The following NFASC variants were observed in gnomAD, a reference collection of about 807,000 sequenced individuals.
The protein encoded by NFASC is neurofascin homolog.
NFASC carries 43 observed loss-of-function variants against 147.5 expected under a neutral mutation model. That is an observed-to-expected ratio of 0.29 (90% CI 0.23 to 0.38). NFASC has a LOEUF of 0.38. Ranked by LOEUF, NFASC falls within the 10% of genes least tolerant of loss-of-function variation. The pLI, the probability that NFASC is intolerant of heterozygous loss-of-function variation, is 1.00. For synonymous variants in NFASC, 622 were observed against 665.5 expected, an observed-to-expected ratio of 0.93 and a Z score of 1.01; for missense variants, 1,320 against 1,689.0, an observed-to-expected ratio of 0.78 and a Z score of 3.83.
chr1:204,980,395 G>A lies in NFASC; in HGVS notation c.2202G>A (p.Val734=). 6.2e-7 allele frequency: 1 copy of A among 1,613,800 alleles called. No individual in the cohort carries two copies. Among genetic ancestry groups the A allele is most frequent in the Non-Finnish European group, 8.5e-7 (1 of 1,179,854 alleles). Reference sequence around the variant, plus strand: ...CCCCCGAGTCCAATCCTGGTGACGTGAAGGGAGAGGGGACCAGAAAGAACA... The same window carrying A: ...CCCCCGAGTCCAATCCTGGTGACGTAAAGGGAGAGGGGACCAGAAAGAACA... The part of the protein sequence containing the change: ...GAPPESNPGD[V]KGEGTRKNNM... Residue 734 remains valine (V), a synonymous_variant, in exon 20 of 30, where the codon GTG becomes GTA. Transcript: ENST00000339876.
rs192481074 is a variant in NFASC, at chr1:204,959,148, T to C, written c.706+1322T>C. Among the ~76,000 whole-genome samples, 486 of 152,210 alleles carry C rather than the reference T, an allele frequency of 3.2e-3. 1 individual carries two copies. The highest frequency in any genetic ancestry group is 0.011 in the African/African-American group (455 of 41,536). On this transcript the variant is annotated intron_variant, in intron 8 of 29. Transcript: ENST00000339876. The stretch of plus-strand genomic sequence containing the variant: ...TCTCCTCCCTCTTTCTTTTTCTTTC[T>C]TCTTTTCCATCTCTCTGTTCTGTCT...
Position 205,019,247 on chromosome 1 carries a change from A to C in NFASC, c.*2708A>C, listed in dbSNP as rs935938347. 1.3e-5 allele frequency: 2 copies of C among 152,282 alleles called. No homozygotes were observed. Among genetic ancestry groups the C allele is most frequent in the African/African-American group, 4.8e-5 (2 of 41,460 alleles). The allele number at this position is 152,282 out of a possible 1,614,324, so 9.4% of individuals were successfully genotyped here. On this transcript the variant is annotated 3_prime_UTR_variant, in exon 30 of 30. Coordinates refer to ENST00000339876, the MANE Select transcript of NFASC (RefSeq NM_001005388.3). ...TCAGAGTCCACTCCAGCTCAGCAGG[A>C]AAGTGGAATTGCCCAGTACTGCCTG...
In NFASC at chr1:204,937,826, A is replaced by G. The variant is rs72741207; in HGVS notation, c.-90-6400A>G. On this transcript the variant is annotated intron_variant, in intron 2 of 29. Coordinates refer to ENST00000339876, the MANE Select transcript of NFASC (RefSeq NM_001005388.3). Reference sequence around the variant, plus strand: ...TGGATTTTTGGTTCAACATATATTTACTGTCCTCCCTGCTGGGATGGAAGC... The same window carrying G: ...TGGATTTTTGGTTCAACATATATTTGCTGTCCTCCCTGCTGGGATGGAAGC... 5.0e-3 allele frequency among the ~76,000 whole-genome samples: 757 copies of G among 152,306 alleles called. 10 individuals are homozygous for G. Among genetic ancestry groups the G allele is most frequent in the South Asian group, 9.9e-3 (48 of 4,828 alleles).
chr1:204,974,315 C>T, intron 13 of NFASC, 25 bp downstream of exon 13: 1 of 1,556,286 alleles, frequency 6.4e-7, no homozygotes, highest in Non-Finnish European at 8.9e-7. Context: ...ATCAGGCCTT[C>T]CACAGCAGGG....
intron 1 of NFASC, among the ~76,000 whole-genome samples, chr1:204,919,780 G>A (rs1017742323): frequency 3.3e-5 from 5 of 151,926 alleles, no homozygotes; most frequent in South Asian, 2.1e-4. Context: ...AGGTGTGCCC[G>A]GCTAATTTTT....
intron 8 of NFASC, among the ~76,000 whole-genome samples, chr1:204,958,366 A>G (rs2094518533): frequency 6.6e-6 from 1 of 152,240 alleles, no homozygotes; most frequent in Non-Finnish European, 1.5e-5. Flanking sequence ...ATGCTGAACC[A>G]TATGGAATCG....
intron 4 of NFASC, among the ~76,000 whole-genome samples, chr1:204,951,067 A>G (rs1384148283): frequency 1.3e-5 from 2 of 151,890 alleles, no homozygotes; most frequent in Admixed American, 6.6e-5. Flanking sequence ...ACTATTGTGC[A>G]CTGTATGTTG....
chr1:204,975,189 G>A lies in NFASC; in HGVS notation c.1559-82G>A, dbSNP rs2095369097. 2.7e-6 allele frequency: 4 copies of A among 1,494,120 alleles called. No homozygotes were observed. The highest frequency in any genetic ancestry group is 2.0e-5 in the Admixed American group (1 of 49,792). The allele number at this position is 1,494,120 out of a possible 1,614,324, so 92.6% of individuals were successfully genotyped here. On this transcript the variant is annotated intron_variant, in intron 14 of 29. Transcript: ENST00000339876. This position sits in a 1 kb window ranked among gnomAD's most constrained non-coding sequence, Gnocchi z 4.0. ...CCATAGTTGGCCCAAGGCCTCGAGG[G>A]CAGACATATGCCACTTTGTGGCCGC... is the stretch of plus-strand genomic sequence containing the variant.
intron 2 of NFASC, among the ~76,000 whole-genome samples, chr1:204,921,049 T>C (rs2090376239): frequency 6.6e-6 from 1 of 152,134 alleles, no homozygotes; most frequent in African/African-American, 2.4e-5. Context: ...GGAAACAACT[T>C]TGTGACCCAC....
At chr1:204,976,570 T>C (rs2095409296) in intron 15 of NFASC, 101 bp from the exon 16 acceptor site, 12 of 838,278 alleles carry the variant, frequency 1.4e-5, no homozygotes, top group Non-Finnish European at 1.9e-5. Context: ...GGAGCTTCCC[T>C]TGCCCTCCTG....
chr1:204,920,742 T>G lies in NFASC; in HGVS notation c.-91+2T>G. The G allele has an allele frequency of 7.8e-7, 1 of 1,274,244 alleles. No individual in the cohort carries two copies. The highest frequency in any genetic ancestry group is 1.0e-6 in the Non-Finnish European group (1 of 974,812). 78.9% of individuals were successfully genotyped at this position (1,274,244 alleles called of 1,614,324 possible). A position where few individuals can be genotyped will look rare whatever the true frequency, so the allele number is the denominator to read the frequency against. ...AAGAGGCTGAATGAGGCAGAGAAGG[T>G]AAGCAGGACTTGGGCCTGGGGTATG... is the stretch of plus-strand genomic sequence containing the variant. On this transcript the variant is annotated splice_donor_variant, in intron 2 of 29. Transcript: ENST00000339876. LOFTEE classifies it low-confidence loss of function (5UTR_SPLICE).
Position 205,017,499 on chromosome 1 carries a change from C to A in NFASC, c.*960C>A, listed in dbSNP as rs2151128825. ...AAGGCTGGGTTTGGACTTCATGCCT[C>A]CTCACTGGTGAAACCCAGGATGTAG... On this transcript the variant is annotated 3_prime_UTR_variant, in exon 30 of 30. Coordinates refer to ENST00000339876, the MANE Select transcript of NFASC (RefSeq NM_001005388.3). The A allele has an allele frequency of 6.5e-6, 1 of 152,826 alleles. No individual in the cohort carries two copies. Among genetic ancestry groups the A allele is most frequent in the East Asian group, 1.9e-4 (1 of 5,180 alleles). The allele number at this position is 152,826 out of a possible 1,614,324, so 9.5% of individuals were successfully genotyped here. A position where few individuals can be genotyped will look rare whatever the true frequency, so the allele number is the denominator to read the frequency against.
chr1:204,927,910 G>A (rs1219985803), intron 2 of NFASC, among the ~76,000 whole-genome samples: 3 of 152,200 alleles, frequency 2.0e-5, no homozygotes, highest in African/African-American at 7.2e-5. Context: ...GAGCAGACAG[G>A]GAGCCAAGGC....
intron 1 of NFASC, among the ~76,000 whole-genome samples, chr1:204,878,041 A>G (rs886937645): frequency 6.6e-6 from 1 of 152,200 alleles, no homozygotes; most frequent in Non-Finnish European, 1.5e-5. Flanking sequence ...CAGTGTATCT[A>G]GGTTTCTCCT....
chr1:205,012,887 T>C, intron 29 of NFASC, 21 bp downstream of exon 29: 2 of 1,585,612 alleles, frequency 1.3e-6, no homozygotes, highest in Middle Eastern at 1.7e-4. Context: ...TCCCTCCTCC[T>C]CTCTCAGGCA....
chr1:204,939,044 G>A lies in NFASC; in HGVS notation c.-90-5182G>A, dbSNP rs1447831488. 4.9e-3 allele frequency among the ~76,000 whole-genome samples: 723 copies of A among 147,742 alleles called. 10 individuals carry two copies. Among genetic ancestry groups the A allele is most frequent in the South Asian group, 9.4e-3 (43 of 4,580 alleles). ...TTTCTTCCTGTATGGATGGATGTGT[G>A]TGTGTGTGTGTGTGTGTGTGTGTGT... On this transcript the variant is annotated intron_variant, in intron 2 of 29. Coordinates refer to ENST00000339876, the MANE Select transcript of NFASC (RefSeq NM_001005388.3).
At chr1:204,855,471 GA>G (rs2076073187) in intron 1 of NFASC, among the ~76,000 whole-genome samples, 1 of 152,134 alleles carries the variant, frequency 6.6e-6, no homozygotes, top group Non-Finnish European at 1.5e-5. Context: ...TAGAAATTAG[GA>G]CCTAGGAAAG....
At chr1:204,829,233 T>A (rs1671510291) in intron 1 of NFASC, among the ~76,000 whole-genome samples, 1 of 149,764 alleles carries the variant, frequency 6.7e-6, no homozygotes, top group Non-Finnish European at 1.5e-5. Flanking sequence ...CTCATGCCCC[T>A]ACCAGTTGGT....
chr1:204,864,005 C>T (rs540841493), intron 1 of NFASC, among the ~76,000 whole-genome samples: 9 of 152,192 alleles, frequency 5.9e-5, no homozygotes, highest in African/African-American at 1.7e-4. Context: ...AACTCTATAA[C>T]CATTAAGCAT....
Sources: gnomAD v4.1 joint callset for allele counts (sites outside exome capture counted in the v4.1 genomes callset) on GRCh38, gnomAD v4.1.1 for gene constraint, Gnocchi (gnomAD v3.1) non-coding constraint, MANE v1.5 for transcripts, NCBI Gene and HGNC (gene_info 2026-07-23, HGNC 2026-07-21) for gene names.